GRM8: variants seen among roughly 807,000 people sequenced by gnomAD.
GRM8 encodes glutamate metabotropic receptor 8.
In GRM8, 47 loss-of-function variants were observed where a neutral mutation model predicts 87.2. That is an observed-to-expected ratio of 0.54 (90% CI 0.43 to 0.69). The LOEUF (loss-of-function observed/expected upper bound fraction) is 0.69, where lower values mean the gene tolerates loss of function less well. GRM8 is among the 30% of genes least tolerant of loss of function. The pLI, the probability that GRM8 is intolerant of heterozygous loss-of-function variation, is 0.00. For missense variants in GRM8, 1,019 were observed against 1,139.2 expected (o/e 0.89, Z 1.52); for synonymous variants, 396 against 404.5 (o/e 0.98, Z 0.25).
At chr7:126,509,720 A>G (rs1430331966) in intron 9 of GRM8, among the ~76,000 whole-genome samples, 2 of 152,028 alleles carry the variant, frequency 1.3e-5, no homozygotes, top group Admixed American at 6.6e-5. Context: ...TAGAGATAAA[A>G]TTTGAAATCA....
At chr7:126,648,061 C>T (rs1390572389) in intron 7 of GRM8, among the ~76,000 whole-genome samples, 1 of 152,042 alleles carries the variant, frequency 6.6e-6, no homozygotes, top group East Asian at 1.9e-4. Context: ...CTCCAGGATC[C>T]TACCTCATTT....
intron 8 of GRM8, among the ~76,000 whole-genome samples, chr7:126,561,040 A>G (rs1420188632): frequency 2.0e-5 from 3 of 152,216 alleles, no homozygotes; most frequent in Non-Finnish European, 2.9e-5. Flanking sequence ...CAGACACACT[A>G]CATGGTCTAC....
chr7:126,988,631 C>A (rs1238736749), intron 3 of GRM8, among the ~76,000 whole-genome samples: 1 of 152,038 alleles, frequency 6.6e-6, no homozygotes, highest in Non-Finnish European at 1.5e-5. Context: ...TTAGTAATTC[C>A]CAGATTTTTG....
rs568346930 is a variant in GRM8, at chr7:126,889,471, T to C, written c.1156+13071A>G. Among the ~76,000 whole-genome samples, 7 of 152,224 alleles carry C rather than the reference T, an allele frequency of 4.6e-5. No homozygotes were observed. The South Asian group carries it at 1.2e-3, about 27-fold the overall frequency. On this transcript the variant is annotated intron_variant, in intron 6 of 10. Transcript: ENST00000339582. ...AAATGCTTAGCTGAATTATTGTCTA[T>C]CTGGGTTGCAAGTAGCACACCCCCA... is the stretch of plus-strand genomic sequence containing the variant.
At chr7:126,653,299 C>CAAAAAA (rs1379449351) in intron 7 of GRM8, among the ~76,000 whole-genome samples, 4 of 43,456 alleles carry the variant, frequency 9.2e-5, no homozygotes, top group Admixed American at 1.9e-4. Context: ...GATCCTGTCT[C>CAAAAAA]CAAAAAAAAA....
intron 2 of GRM8, among the ~76,000 whole-genome samples, chr7:127,139,506 T>C (rs920302497): frequency 6.6e-6 from 1 of 152,170 alleles, no homozygotes; most frequent in Non-Finnish European, 1.5e-5. Context: ...ATTTAAAAAG[T>C]AACTGGCATA....
At chr7:126,902,029 A>G (rs565318131) in intron 6 of GRM8, among the ~76,000 whole-genome samples, 139 of 152,284 alleles carry the variant, frequency 9.1e-4, no homozygotes, top group African/African-American at 3.2e-3. Context: ...CATATTCAAT[A>G]TCATTATTAT....
At chr7:127,173,119 G>T (rs368214013) in intron 2 of GRM8, among the ~76,000 whole-genome samples, 1 of 152,152 alleles carries the variant, frequency 6.6e-6, no homozygotes, top group Admixed American at 6.5e-5. Context: ...ATTTCATGCC[G>T]TCTGGAAGGT....
chr7:126,792,789 G>A (rs1370823217), intron 6 of GRM8, among the ~76,000 whole-genome samples: 51 of 152,330 alleles, frequency 3.3e-4, no homozygotes, highest in Non-Finnish European at 2.9e-5. Flanking sequence ...GGAAACAGAA[G>A]TAGCTGCACT....
chr7:126,921,470 G>T (rs1286307700), intron 3 of GRM8, among the ~76,000 whole-genome samples: 3 of 152,018 alleles, frequency 2.0e-5, no homozygotes, highest in Admixed American at 1.3e-4. Context: ...AGAACTTTTG[G>T]ATTGAAAATA....
chr7:126,842,490 T>TGTTC (rs1796370199), intron 6 of GRM8, among the ~76,000 whole-genome samples: 1 of 152,220 alleles, frequency 6.6e-6, no homozygotes, highest in African/African-American at 2.4e-5. Flanking sequence ...CCACCAAAGA[T>TGTTC]GTTCATGTCT....
In GRM8 at chr7:127,020,056, G is replaced by A. The variant is rs920224136; in HGVS notation, c.727+86440C>T. 2.6e-5 allele frequency among the ~76,000 whole-genome samples: 4 copies of A among 152,192 alleles called. No homozygotes were observed. The South Asian group carries it at 8.3e-4, about 32-fold the overall frequency. Reference sequence around the variant, plus strand: ...AACCTAATTAAGTGTAACACAAAAAGTGAGTTTCTACTTAAATTCTGAGGC... The same window carrying A: ...AACCTAATTAAGTGTAACACAAAAAATGAGTTTCTACTTAAATTCTGAGGC... On this transcript the variant is annotated intron_variant, in intron 3 of 10. Transcript: ENST00000339582.
intron 6 of GRM8, among the ~76,000 whole-genome samples, chr7:126,830,917 T>C (rs1324827491): frequency 6.6e-6 from 1 of 152,230 alleles, no homozygotes; most frequent in Non-Finnish European, 1.5e-5. Context: ...GCTTTCCTTC[T>C]AACAGACAGG....
intron 9 of GRM8, among the ~76,000 whole-genome samples, chr7:126,530,817 T>A (rs912935917): frequency 1.4e-4 from 22 of 152,218 alleles, no homozygotes; most frequent in Admixed American, 1.3e-3. Flanking sequence ...TTATTTATTT[T>A]TTTTGGTAGA....
At position 126,878,030 on chromosome 7, in the gene GRM8, C is replaced by T. The variant is rs533003743; in HGVS notation, c.1156+24512G>A. ...ATTAAGGTCTCAGGACAGGAGGTCA[C>T]GGAGTGATGAGCCCTGAATTACTCT... On this transcript the variant is annotated intron_variant, in intron 6 of 10. Transcript: ENST00000339582. Among the ~76,000 whole-genome samples the T allele has an allele frequency of 5.3e-5, 8 of 152,222 alleles. No individual in the cohort carries two copies. In the South Asian group the frequency reaches 6.2e-4, roughly 12 times the overall value.
intron 3 of GRM8, among the ~76,000 whole-genome samples, chr7:126,921,628 C>T (rs1218964064): frequency 6.6e-6 from 1 of 151,968 alleles, no homozygotes; most frequent in African/African-American, 2.4e-5. Context: ...AGGATTTTCA[C>T]AGCAATAATG....
At chr7:127,115,280 G>A (rs1826634672) in intron 2 of GRM8, among the ~76,000 whole-genome samples, 1 of 152,084 alleles carries the variant, frequency 6.6e-6, no homozygotes, top group Admixed American at 6.6e-5. Context: ...TCTAGCCCAG[G>A]CACCATTAAT....
intron 2 of GRM8, among the ~76,000 whole-genome samples, chr7:127,163,912 A>G (rs993049727): frequency 9.2e-5 from 14 of 152,112 alleles, no homozygotes; most frequent in Non-Finnish European, 2.1e-4. Flanking sequence ...GCAGAGGAGG[A>G]ATGAGCAGAG....
chr7:126,495,425 C>T (rs554574116), intron 9 of GRM8, among the ~76,000 whole-genome samples: 16 of 152,084 alleles, frequency 1.1e-4, no homozygotes, highest in Non-Finnish European at 2.1e-4. Context: ...GCAATGATGA[C>T]AGTACAGCAA....
Sources: allele counts gnomAD v4.1 joint callset (sites outside exome capture counted in the v4.1 genomes callset), GRCh38; gene constraint gnomAD v4.1.1; transcripts MANE v1.5; gene names NCBI Gene and HGNC (gene_info 2026-07-23, HGNC 2026-07-21).